Variants in SGCZ observed in about 807,000 individuals in gnomAD.
SGCZ encodes the protein zeta-sarcoglycan.
SGCZ carries 40 observed loss-of-function variants against 41.3 expected under a neutral mutation model. The ratio of observed to expected loss-of-function variants is 0.97; its 90% confidence interval spans 0.75 to 1.26. The LOEUF (loss-of-function observed/expected upper bound fraction) is 1.26, where lower values mean the gene tolerates loss of function less well. SGCZ is among the 50% of genes most tolerant of loss of function. The pLI, the probability that SGCZ is intolerant of heterozygous loss-of-function variation, is 0.00. For synonymous variants in SGCZ, 206 were observed against 137.5 expected, an observed-to-expected ratio of 1.50 and a Z score of -3.49; for missense variants, 552 against 369.8, an observed-to-expected ratio of 1.49 and a Z score of -4.04.
At chr8:14,285,160 C>G (rs1025252554) in intron 3 of SGCZ, among the ~76,000 whole-genome samples, 8 of 152,104 alleles carry the variant, frequency 5.3e-5, no homozygotes, top group African/African-American at 1.9e-4. Context: ...CATGATCCTT[C>G]TAGGCTTTTT....
chr8:14,280,386 G>A (rs904359981), intron 3 of SGCZ, among the ~76,000 whole-genome samples: 1 of 151,744 alleles, frequency 6.6e-6, no homozygotes, highest in Non-Finnish European at 1.5e-5. Flanking sequence ...TAACCTCAAG[G>A]TAGGCTTTTA....
chr8:15,223,947 T>G (rs1456092939), intron 1 of SGCZ, among the ~76,000 whole-genome samples: 1 of 152,116 alleles, frequency 6.6e-6, no homozygotes, highest in Non-Finnish European at 1.5e-5. Flanking sequence ...CTCCACCTCC[T>G]GGGTCCAAGT....
intron 2 of SGCZ, among the ~76,000 whole-genome samples, chr8:14,531,736 T>C (rs1803139510): frequency 6.6e-6 from 1 of 152,112 alleles, no homozygotes; most frequent in Non-Finnish European, 1.5e-5. Flanking sequence ...TCCCTACTAG[T>C]TTATTTTCTT....
At chr8:14,273,678 C>T (rs1161244452) in intron 3 of SGCZ, among the ~76,000 whole-genome samples, 2 of 152,094 alleles carry the variant, frequency 1.3e-5, no homozygotes, top group Non-Finnish European at 2.9e-5. Context: ...ATTTAAACTA[C>T]TGCTATGATG....
At chr8:14,681,089 T>G (rs1808432591) in intron 1 of SGCZ, among the ~76,000 whole-genome samples, 1 of 151,714 alleles carries the variant, frequency 6.6e-6, no homozygotes, top group Admixed American at 6.6e-5. Context: ...GACAAATACA[T>G]TTAATGAAAT....
chr8:15,172,909 CT>C (rs1199225355), intron 1 of SGCZ, among the ~76,000 whole-genome samples: 1 of 152,108 alleles, frequency 6.6e-6, no homozygotes, highest in Non-Finnish European at 1.5e-5. Context: ...AAAATAAAAA[CT>C]TAATATGGAA....
intron 2 of SGCZ, among the ~76,000 whole-genome samples, chr8:14,408,284 T>C (rs542011820): frequency 1.3e-5 from 2 of 152,258 alleles, no homozygotes; most frequent in South Asian, 4.1e-4. Flanking sequence ...GACTGTTTGT[T>C]TAATCCATTT....
intron 1 of SGCZ, among the ~76,000 whole-genome samples, chr8:14,766,053 C>T (rs1800025276): frequency 6.6e-6 from 1 of 151,600 alleles, no homozygotes; most frequent in Non-Finnish European, 1.5e-5. Context: ...ACCTCCACCT[C>T]CCGGGTTCAA....
At chr8:14,225,403 AC>A (rs1806337429) in intron 4 of SGCZ, among the ~76,000 whole-genome samples, 1 of 152,126 alleles carries the variant, frequency 6.6e-6, no homozygotes, top group African/African-American at 2.4e-5. Flanking sequence ...TGTTGAAAAT[AC>A]ACTTAGGTAC....
chr8:14,594,484 T>A (rs1006013292), intron 1 of SGCZ, among the ~76,000 whole-genome samples: 1 of 152,110 alleles, frequency 6.6e-6, no homozygotes, highest in African/African-American at 2.4e-5. Flanking sequence ...AATCTCACAA[T>A]TCCACTGGGA....
At chr8:14,600,986 C>G (rs1805572671) in intron 1 of SGCZ, among the ~76,000 whole-genome samples, 1 of 150,688 alleles carries the variant, frequency 6.6e-6, no homozygotes, top group African/African-American at 2.4e-5. Context: ...ACTTTTAATG[C>G]ATATGTCTCT....
At chr8:15,096,004 A>ATGT (rs1156836648) in intron 1 of SGCZ, among the ~76,000 whole-genome samples, 4 of 152,134 alleles carry the variant, frequency 2.6e-5, no homozygotes, top group Non-Finnish European at 5.9e-5. Context: ...AACAACAAAA[A>ATGT]TGTCCCCAAG....
Position 15,089,527 on chromosome 8 carries a change from C to A in SGCZ, c.39+148058G>T, listed in dbSNP as rs1480104485. Among the ~76,000 whole-genome samples the A allele has an allele frequency of 2.6e-5, 4 of 152,026 alleles. No individual in the cohort carries two copies. The East Asian group carries it at 7.7e-4, about 29-fold the overall frequency. On this transcript the variant is annotated intron_variant, in intron 1 of 7. Coordinates refer to ENST00000382080, the MANE Select transcript of SGCZ (RefSeq NM_139167.4). ...ACAGTGATACTCCTCATGTCAAAAA[C>A]CTGGATGGAAAATTAACTTTCATCG...
intron 2 of SGCZ, among the ~76,000 whole-genome samples, chr8:14,421,915 C>G (rs73219757): frequency 0.2 from 31,069 of 151,972 alleles, 3,733 homozygotes; most frequent in Non-Finnish European, 0.29. Flanking sequence ...TAGTGGGAAG[C>G]TTATGGGCCA....
At chr8:14,291,680 CAT>C (rs33987867) in intron 3 of SGCZ, among the ~76,000 whole-genome samples, 114,304 of 151,680 alleles carry the variant, frequency 0.75, 43,517 homozygotes, top group Non-Finnish European at 0.8. Context: ...TATTCGGAAA[CAT>C]ATATATATAT....
chr8:14,715,400 G>A (rs772789402), intron 1 of SGCZ, among the ~76,000 whole-genome samples: 4 of 152,076 alleles, frequency 2.6e-5, no homozygotes, highest in Non-Finnish European at 5.9e-5. Flanking sequence ...TGGCCTAAGC[G>A]AAGACTGTGG....
At chr8:14,449,887 A>G (rs761412818) in intron 2 of SGCZ, among the ~76,000 whole-genome samples, 4 of 152,194 alleles carry the variant, frequency 2.6e-5, no homozygotes, top group Non-Finnish European at 2.9e-5. Flanking sequence ...CTTCTTCACC[A>G]TCGTAAACAA....
chr8:15,070,649 A>G (rs1805315729), intron 1 of SGCZ, among the ~76,000 whole-genome samples: 1 of 152,164 alleles, frequency 6.6e-6, no homozygotes, highest in Non-Finnish European at 1.5e-5. Flanking sequence ...GGATTTTTAC[A>G]GCACAGGGAT....
chr8:14,488,648 T>G (rs1350615092), intron 2 of SGCZ, among the ~76,000 whole-genome samples: 1 of 152,092 alleles, frequency 6.6e-6, no homozygotes, highest in Non-Finnish European at 1.5e-5. Context: ...GGAACCTAAC[T>G]TTCCTAAACT....
Sources: allele counts gnomAD v4.1 joint callset (sites outside exome capture counted in the v4.1 genomes callset), GRCh38; gene constraint gnomAD v4.1.1; transcripts MANE v1.5; gene names NCBI Gene and HGNC (gene_info 2026-07-23, HGNC 2026-07-21).